MDM2: variants seen among roughly 807,000 people sequenced by gnomAD.
The protein encoded by MDM2 is MDM2 proto-oncogene.
In MDM2, 11 loss-of-function variants were observed where a neutral mutation model predicts 64.3. The observed-to-expected ratio is 0.17, with a 90% CI of 0.11 to 0.28. The LOEUF (loss-of-function observed/expected upper bound fraction) is 0.28, where lower values mean the gene tolerates loss of function less well. MDM2 is among the 10% of genes least tolerant of loss of function. The pLI is 1.00. For missense variants in MDM2, 388 were observed against 577.1 expected (o/e 0.67, Z 3.36); for synonymous variants, 194 against 192.9 (o/e 1.01, Z -0.05).
At chr12:68,829,101 C>G (rs1281807729) in intron 8 of MDM2, among the ~76,000 whole-genome samples, 170 bp downstream of exon 8, 2 of 152,024 alleles carry the variant, frequency 1.3e-5, no homozygotes, top group Non-Finnish European at 2.9e-5. Context: ...CACCTTCAAC[C>G]CAAGGTATTG....
intron 1 of MDM2, chr12:68,808,860 C>A: frequency 7.6e-7 from 1 of 1,322,814 alleles, no homozygotes; most frequent in Non-Finnish European, 9.7e-7. Context: ...GAACGCTGCG[C>A]GTAGTCTGGG....
intron 7 of MDM2, chr12:68,828,045 C>G (rs3730597): frequency 0.035 from 5,261 of 152,258 alleles, 271 homozygotes; most frequent in East Asian, 0.19. Flanking sequence ...TCACAAGAAT[C>G]ACTTGAACCT....
In MDM2 at chr12:68,828,841, C is replaced by G; in HGVS notation, c.594C>G (p.Ser198=). ...KRHKSDSISL[S]FDESLALCVI... The stretch of plus-strand genomic sequence containing the variant: ...ACAAATCTGATAGTATTTCCCTTTC[C>G]TTTGATGAAAGCCTGGCTCTGTGTG... Residue 198 remains serine (S), a synonymous_variant, in exon 8 of 11, where the codon TCC becomes TCG. Transcript: ENST00000258149. 6.2e-7 allele frequency: 1 copy of G among 1,613,948 alleles called. No homozygotes were observed.
rs34328350 is a variant in MDM2 at position 68,811,601 on chromosome 12, AT to A, written c.100-1932del. On this transcript the variant is annotated intron_variant, in intron 2 of 10. Coordinates refer to ENST00000258149, the MANE Select transcript of MDM2 (RefSeq NM_002392.6). ...ATATACTGATGGCTTTCCATTACAG[AT>A]TTTTTTTTTTTTTTTTTTTTGAGAC... Among the ~76,000 whole-genome samples the A allele has an allele frequency of 3.8e-3, 434 of 114,340 alleles. 1 individual carries two copies. Among genetic ancestry groups the A allele is most frequent in the Non-Finnish European group, 5.7e-3 (327 of 57,834 alleles). The allele number at this position is 114,340 out of a possible 152,430, so 75.0% of individuals were successfully genotyped here. A position where few individuals can be genotyped will look rare whatever the true frequency, so the allele number is the denominator to read the frequency against.
Position 68,829,188 on chromosome 12 carries a change from TG to T in MDM2, c.684+258del. ...TAGTATTAGTAATTATCAATGTCAC[TG>T]TATGTATTAGAGAATATTTGTGGAC... is the stretch of plus-strand genomic sequence containing the variant. On this transcript the variant is annotated intron_variant, in intron 8 of 10. Transcript: ENST00000258149. 2.0e-5 allele frequency among the ~76,000 whole-genome samples: 3 copies of T among 152,294 alleles called. No homozygotes were observed. In the South Asian group the frequency reaches 6.2e-4, roughly 32 times the overall value.
In MDM2 at chr12:68,840,145, T is replaced by G; in HGVS notation, c.*296T>G. On this transcript the variant is annotated 3_prime_UTR_variant, in exon 11 of 11. Transcript: ENST00000258149. ...TAAATATGTATATGACATTTAAATG[T>G]AACTTATTATTTTTTTTGAGACCGA... The G allele has an allele frequency of 3.2e-6, 1 of 309,386 alleles. No homozygotes were observed. Among genetic ancestry groups the G allele is most frequent in the Non-Finnish European group, 5.9e-6 (1 of 168,738 alleles). The allele number at this position is 309,386 out of a possible 1,614,324, so 19.2% of individuals were successfully genotyped here. A position where few individuals can be genotyped will look rare whatever the true frequency, so the allele number is the denominator to read the frequency against.
Position 68,839,310 on chromosome 12 carries a change from C to T in MDM2, c.955C>T (p.Pro319Ser), listed in dbSNP as rs577942747. Residue 319 changes from proline to serine, a missense_variant, in exon 11 of 11, where the codon CCC (proline) becomes TCC (serine). This residue lies in a region of MDM2 where 138 missense variants were observed against 143.7 expected (regional missense o/e 0.96). Transcript: ENST00000258149. Reference sequence around the variant, plus strand: ...ATGCACTTCATGCAATGAAATGAATCCCCCCCTTCCATCACATTGCAACAG... The same window carrying T: ...ATGCACTTCATGCAATGAAATGAATTCCCCCCTTCCATCACATTGCAACAG... ...WKCTSCNEMN[P>S]PLPSHCNRCW... 6.2e-7 allele frequency: 1 copy of T among 1,612,940 alleles called. No individual in the cohort carries two copies. Among genetic ancestry groups the T allele is most frequent in the South Asian group, 1.1e-5 (1 of 90,884 alleles).
intron 8 of MDM2, among the ~76,000 whole-genome samples, chr12:68,833,533 A>AT (rs1017472292): frequency 2.0e-5 from 3 of 149,908 alleles, no homozygotes; most frequent in Non-Finnish European, 4.4e-5. Flanking sequence ...CCAATATTGC[A>AT]TTTTTTCATG....
At chr12:68,836,604 T>C (rs747358883) in intron 9 of MDM2, 68 bp from the exon 10 acceptor site, 9 of 1,051,844 alleles carry the variant, frequency 8.6e-6, no homozygotes, top group African/African-American at 6.3e-5. Context: ...TTAGGACTTA[T>C]TACTAGGAAG....
At chr12:68,833,949 T>A (rs889814044) in intron 8 of MDM2, among the ~76,000 whole-genome samples, 5 of 152,204 alleles carry the variant, frequency 3.3e-5, no homozygotes, top group Admixed American at 3.3e-4. Context: ...TGATTGGTAG[T>A]AGAGCCCTTG....
Position 68,816,881 on chromosome 12 carries a change from T to C in MDM2, c.244T>C (p.Tyr82His). ...TGATGAGAAGCAACAACATATTGTA[T>C]ATTGTTCAAATGATCTTCTAGGAGA... ...LYDEKQQHIVYCSNDLLGDLF... is the reference protein window; with the variant it reads ...LYDEKQQHIVHCSNDLLGDLF... Residue 82 changes from tyrosine to histidine, a missense_variant, in exon 4 of 11, where the codon TAT (tyrosine) becomes CAT (histidine). Tyr to His is a moderately conservative substitution (Grantham distance 83). This residue lies in a region of MDM2 where 24 missense variants were observed against 87.8 expected (regional missense o/e 0.27). Coordinates refer to ENST00000258149, the MANE Select transcript of MDM2 (RefSeq NM_002392.6). 1.2e-6 allele frequency: 2 copies of C among 1,612,950 alleles called. No homozygotes were observed. The highest frequency in any genetic ancestry group is 1.7e-6 in the Non-Finnish European group (2 of 1,179,542).
At chr12:68,830,834 G>A (rs574592221) in intron 8 of MDM2, among the ~76,000 whole-genome samples, 52 of 152,152 alleles carry the variant, frequency 3.4e-4, no homozygotes, top group Middle Eastern at 6.8e-3. Flanking sequence ...CTGAGTAGCT[G>A]GGATTACAGG....
chr12:68,845,071 T>TA lies in MDM2; in HGVS notation c.*5224dup, dbSNP rs1884166008. The TA allele has an allele frequency of 4.6e-6, 1 of 215,214 alleles. No individual in the cohort carries two copies. The highest frequency in any genetic ancestry group is 5.8e-5 in the Admixed American group (1 of 17,156). The allele number at this position is 215,214 out of a possible 1,614,324, so 13.3% of individuals were successfully genotyped here. A position where few individuals can be genotyped will look rare whatever the true frequency, so the allele number is the denominator to read the frequency against. ...GCGTGAGCCGCCACGCCCAGCCTAATAAGGGTTTTAAAGATAATTAGTGTG... is the reference window on the plus strand; with the variant it reads ...GCGTGAGCCGCCACGCCCAGCCTAATAAAGGGTTTTAAAGATAATTAGTGTG... On this transcript the variant is annotated 3_prime_UTR_variant, in exon 11 of 11. Coordinates refer to ENST00000258149, the MANE Select transcript of MDM2 (RefSeq NM_002392.6).
chr12:68,809,102 C>T (rs958711548), intron 1 of MDM2, 106 bp from the exon 2 acceptor site: 10 of 1,544,920 alleles, frequency 6.5e-6, no homozygotes, highest in Non-Finnish European at 8.7e-6. Context: ...CACCGACTTG[C>T]TTGTAGCTTT....
chr12:68,815,120 G>A (rs1225006795), intron 3 of MDM2, among the ~76,000 whole-genome samples: 6 of 152,222 alleles, frequency 3.9e-5, no homozygotes, highest in African/African-American at 7.2e-5. Flanking sequence ...GACAGTGTTT[G>A]TAGGAAAGGG....
chr12:68,836,129 G>T, intron 9 of MDM2, 145 bp downstream of exon 9: 1 of 687,822 alleles, frequency 1.5e-6, no homozygotes, highest in Non-Finnish European at 2.2e-6. Context: ...ATTGGTTTGT[G>T]GACTTGAGGA....
At chr12:68,831,759 T>TA (rs1371038441) in intron 8 of MDM2, among the ~76,000 whole-genome samples, 2 of 152,014 alleles carry the variant, frequency 1.3e-5, no homozygotes, top group South Asian at 2.1e-4. Flanking sequence ...TGCATTCTCT[T>TA]AAAAAATCCT....
downstream of MDM2, chr12:68,846,380 C>G (rs1342713530): frequency 6.6e-6 from 1 of 152,180 alleles, no homozygotes; most frequent in African/African-American, 2.4e-5. Flanking sequence ...AGCCACCACG[C>G]CAAGCCCAAA....
rs1306970905 is a variant in MDM2 at position 68,837,910 on chromosome 12, T to C, written c.918+1161T>C. On this transcript the variant is annotated intron_variant, in intron 10 of 10. Coordinates refer to ENST00000258149, the MANE Select transcript of MDM2 (RefSeq NM_002392.6). ...ATTCAAGTGCAAAAAAGGATGAAAA[T>C]TCAAGAGTTTCCAAAATTTTTACTG... Among the ~76,000 whole-genome samples, 5 of 152,258 alleles carry C rather than the reference T, an allele frequency of 3.3e-5. 1 individual carries two copies. The highest frequency in any genetic ancestry group is 2.6e-4 in the Admixed American group (4 of 15,286).
Sources: gnomAD v4.1 joint callset for allele counts (sites outside exome capture counted in the v4.1 genomes callset) on GRCh38, gnomAD v4.1.1 for gene constraint, gnomAD v4.1.1 regional missense constraint, MANE v1.5 for transcripts, NCBI Gene and HGNC (gene_info 2026-07-23, HGNC 2026-07-21) for gene names.